Variants in GRIK4 observed in about 807,000 individuals in gnomAD.
GRIK4 encodes the protein glutamate receptor ionotropic, kainate 4.
In GRIK4, 40 loss-of-function variants were observed where a neutral mutation model predicts 104.9. The ratio of observed to expected loss-of-function variants is 0.38; its 90% CI spans 0.30 to 0.50. The LOEUF (loss-of-function observed/expected upper bound fraction) is 0.50, where lower values mean the gene tolerates loss of function less well. Among genes scored for constraint, GRIK4 ranks in the 20% least tolerant of loss-of-function variants. The probability of loss-of-function intolerance (pLI) is 0.93; values close to 1 mark genes in which losing one functional copy is unlikely to be tolerated. For synonymous variants in GRIK4, 485 were observed against 524.9 expected, an observed-to-expected ratio of 0.92 and a Z score of 1.04; for missense variants, 1,047 against 1,308.1, an observed-to-expected ratio of 0.80 and a Z score of 3.08.
At chr11:120,783,518 C>T (rs2135478021) in intron 3 of GRIK4, among the ~76,000 whole-genome samples, 1 of 152,078 alleles carries the variant, frequency 6.6e-6, no homozygotes, top group South Asian at 2.1e-4. Flanking sequence ...TTTAACAGCC[C>T]ATTATGAATA....
At chr11:120,675,875 T>A (rs1257088121) in intron 3 of GRIK4, among the ~76,000 whole-genome samples, 1 of 152,198 alleles carries the variant, frequency 6.6e-6, no homozygotes, top group Non-Finnish European at 1.5e-5. Context: ...ATTACTGTAG[T>A]TTTCCATTGC....
intron 19 of GRIK4, among the ~76,000 whole-genome samples, chr11:120,977,455 G>A (rs1252654421): frequency 6.6e-6 from 1 of 152,208 alleles, no homozygotes; most frequent in Non-Finnish European, 1.5e-5. Context: ...TTGACTTCTA[G>A]AGAATGACTG....
intron 1 of GRIK4, among the ~76,000 whole-genome samples, chr11:120,532,358 A>G (rs1217424768): frequency 1.3e-5 from 2 of 152,164 alleles, no homozygotes; most frequent in Non-Finnish European, 2.9e-5. Context: ...GTGTGGACCC[A>G]GGAGTCGGGT....
intron 9 of GRIK4, among the ~76,000 whole-genome samples, chr11:120,863,885 C>T (rs1449976684): frequency 6.6e-6 from 1 of 152,152 alleles, no homozygotes; most frequent in East Asian, 1.9e-4. Context: ...CTAAGGAGGT[C>T]AGAGCTCATG....
intron 13 of GRIK4, among the ~76,000 whole-genome samples, chr11:120,936,984 G>C (rs904450369): frequency 1.3e-5 from 2 of 151,984 alleles, no homozygotes; most frequent in African/African-American, 4.8e-5. Flanking sequence ...TTACTAGTTT[G>C]GTTTCATGGC....
intron 1 of GRIK4, among the ~76,000 whole-genome samples, chr11:120,559,461 C>A (rs774793377): frequency 1.3e-5 from 2 of 152,220 alleles, no homozygotes; most frequent in Non-Finnish European, 2.9e-5. Context: ...ATCTGTATTT[C>A]AGCTGGCATC....
chr11:120,755,024 A>G (rs1951628482), intron 3 of GRIK4, among the ~76,000 whole-genome samples: 1 of 152,216 alleles, frequency 6.6e-6, no homozygotes, highest in Non-Finnish European at 1.5e-5. Flanking sequence ...CTGAATCCGA[A>G]CTGCAAACGA....
At chr11:120,916,739 T>G (rs539050166) in intron 13 of GRIK4, among the ~76,000 whole-genome samples, 3 of 152,344 alleles carry the variant, frequency 2.0e-5, no homozygotes, top group South Asian at 2.1e-4. Context: ...TCAGGCTACG[T>G]GTCTAAGGTG....
chr11:120,836,877 G>A, intron 8 of GRIK4, 33 bp downstream of exon 8: 1 of 1,349,234 alleles, frequency 7.4e-7, no homozygotes, highest in Non-Finnish European at 1.1e-6. Flanking sequence ...CTCCTTGGAA[G>A]AGAGTGTTGT....
intron 1 of GRIK4, among the ~76,000 whole-genome samples, chr11:120,614,339 C>T (rs945356510): frequency 6.6e-6 from 1 of 152,200 alleles, no homozygotes; most frequent in African/African-American, 2.4e-5. Flanking sequence ...ACTGTGGCCA[C>T]CCGGGGCCCA....
chr11:120,916,613 G>A (rs1358117186), intron 13 of GRIK4, among the ~76,000 whole-genome samples: 3 of 152,182 alleles, frequency 2.0e-5, no homozygotes, highest in Non-Finnish European at 2.9e-5. Flanking sequence ...GTTGAGCTTC[G>A]ATGTGATACC....
chr11:120,645,458 C>T (rs1245908844), intron 1 of GRIK4, among the ~76,000 whole-genome samples: 1 of 152,226 alleles, frequency 6.6e-6, no homozygotes, highest in Non-Finnish European at 1.5e-5. Flanking sequence ...GGATGGCCTC[C>T]ATGCCACCAC....
At chr11:120,922,500 C>T (rs533545105) in intron 13 of GRIK4, among the ~76,000 whole-genome samples, 1 of 152,334 alleles carries the variant, frequency 6.6e-6, no homozygotes, top group Non-Finnish European at 1.5e-5. Flanking sequence ...AAATGTGGCA[C>T]CTCCTTCTAT....
At chr11:120,729,517 T>C (rs892883698) in intron 3 of GRIK4, among the ~76,000 whole-genome samples, 2 of 152,234 alleles carry the variant, frequency 1.3e-5, no homozygotes, top group African/African-American at 2.4e-5. Context: ...ATCAGTGATG[T>C]TGAGCACCTT....
intron 13 of GRIK4, among the ~76,000 whole-genome samples, chr11:120,922,524 T>G (rs1329720141): frequency 6.6e-6 from 1 of 152,232 alleles, no homozygotes; most frequent in Non-Finnish European, 1.5e-5. Flanking sequence ...CCCTCTGCCC[T>G]CTGGCCATCC....
intron 8 of GRIK4, among the ~76,000 whole-genome samples, chr11:120,845,751 A>C (rs1243550897): frequency 6.6e-6 from 1 of 152,204 alleles, no homozygotes; most frequent in Non-Finnish European, 1.5e-5. Context: ...AGTGTAGTTT[A>C]TTGTAAAATT....
intron 14 of GRIK4, among the ~76,000 whole-genome samples, chr11:120,943,407 T>C (rs1016184797): frequency 6.6e-6 from 1 of 152,076 alleles, no homozygotes; most frequent in Non-Finnish European, 1.5e-5. Flanking sequence ...CAATCCCAAA[T>C]TGACTAACCC....
intron 1 of GRIK4, among the ~76,000 whole-genome samples, chr11:120,569,346 C>G (rs1948369386): frequency 6.6e-6 from 1 of 152,224 alleles, no homozygotes; most frequent in Non-Finnish European, 1.5e-5. Flanking sequence ...GATGATAATA[C>G]TAATAATTCA....
chr11:120,747,828 G>A (rs528885501), intron 3 of GRIK4, among the ~76,000 whole-genome samples: 13 of 152,170 alleles, frequency 8.5e-5, no homozygotes, highest in African/African-American at 1.7e-4. Context: ...AAATCTTTGC[G>A]TGTGCGTGGC....
Sources: gnomAD v4.1 joint callset for allele counts (sites outside exome capture counted in the v4.1 genomes callset) on GRCh38, gnomAD v4.1.1 for gene constraint, MANE v1.5 for transcripts, NCBI Gene and HGNC (gene_info 2026-07-23, HGNC 2026-07-21) for gene names.